The following CATSPERE variants were observed in gnomAD, a reference collection of about 807,000 sequenced individuals.
CATSPERE encodes catsper channel auxiliary subunit epsilon, also known as cation channel sperm-associated auxiliary subunit epsilon.
A neutral mutation model predicts 114.1 loss-of-function variants in CATSPERE; 93 were observed. That is an observed-to-expected ratio of 0.81 (90% CI 0.69 to 0.97). CATSPERE has a LOEUF of 0.97. Among genes scored for constraint, CATSPERE ranks in the 50% least tolerant of loss-of-function variants. The pLI is 0.00. For missense variants in CATSPERE, 1,058 were observed against 1,131.6 expected (o/e 0.93, Z 0.93); for synonymous variants, 341 against 384.1 (o/e 0.89, Z 1.31).
At chr1:244,617,935 T>C (rs1041147411) in intron 20 of CATSPERE, among the ~76,000 whole-genome samples, 3 of 152,182 alleles carry the variant, frequency 2.0e-5, no homozygotes, top group African/African-American at 7.2e-5. Flanking sequence ...AAGATCCAAA[T>C]ATAGGCACAG....
At chr1:244,543,430 A>G (rs988220782) in intron 8 of CATSPERE, among the ~76,000 whole-genome samples, 1 of 151,950 alleles carries the variant, frequency 6.6e-6, no homozygotes, top group African/African-American at 2.4e-5. Flanking sequence ...AAACGCTAAA[A>G]AAGTTGACCT....
At chr1:244,525,514 TAAAA>T (rs1230161356) in intron 8 of CATSPERE, among the ~76,000 whole-genome samples, 2 of 149,784 alleles carry the variant, frequency 1.3e-5, no homozygotes, top group Non-Finnish European at 3.0e-5. Context: ...TATAATAAAA[TAAAA>T]AAGAAAGTCA....
chr1:244,452,369 G>A (rs1665680117), upstream of CATSPERE, among the ~76,000 whole-genome samples: 1 of 152,244 alleles, frequency 6.6e-6, no homozygotes, highest in Admixed American at 6.5e-5. Flanking sequence ...AGGAATGAAT[G>A]TGTACAAAAT....
intron 19 of CATSPERE, among the ~76,000 whole-genome samples, chr1:244,612,231 C>A (rs888073873): frequency 6.6e-6 from 1 of 152,138 alleles, no homozygotes; most frequent in African/African-American, 2.4e-5. Flanking sequence ...TAAGTCTACT[C>A]TTACTGAAGG....
At chr1:244,603,458 C>G (rs1369977783) in intron 17 of CATSPERE, among the ~76,000 whole-genome samples, 1 of 152,026 alleles carries the variant, frequency 6.6e-6, no homozygotes, top group Non-Finnish European at 1.5e-5. Context: ...GTATTATACC[C>G]TACATTAAAG....
intron 10 of CATSPERE, among the ~76,000 whole-genome samples, chr1:244,571,759 C>T (rs1332274815): frequency 1.3e-5 from 2 of 152,120 alleles, no homozygotes; most frequent in Non-Finnish European, 2.9e-5. Context: ...TCTATGAGGC[C>T]TCAGTTCCTG....
chr1:244,570,133 T>C (rs10803221), intron 10 of CATSPERE, among the ~76,000 whole-genome samples: 27,883 of 152,074 alleles, frequency 0.18, 3,691 homozygotes, highest in East Asian at 0.41. Flanking sequence ...CTCTAATTGA[T>C]CTATTCTAAT....
intron 18 of CATSPERE, among the ~76,000 whole-genome samples, 180 bp downstream of exon 18, chr1:244,605,974 C>T (rs1012090469): frequency 1.3e-5 from 2 of 152,000 alleles, no homozygotes; most frequent in Non-Finnish European, 2.9e-5. Context: ...TAGAAGTTGT[C>T]ACATAAGACA....
upstream of CATSPERE, among the ~76,000 whole-genome samples, chr1:244,460,913 C>A (rs1159865348): frequency 6.6e-6 from 1 of 152,218 alleles, no homozygotes; most frequent in Non-Finnish European, 1.5e-5. Context: ...GTGTGACTCT[C>A]TCAAAAACAA....
At chr1:244,579,445 G>T (rs1665843653) in intron 11 of CATSPERE, among the ~76,000 whole-genome samples, 1 of 152,098 alleles carries the variant, frequency 6.6e-6, no homozygotes, top group African/African-American at 2.4e-5. Flanking sequence ...ATGTACTCGT[G>T]AAACACCTTT....
intron 7 of CATSPERE, among the ~76,000 whole-genome samples, chr1:244,499,901 A>C (rs1673755151): frequency 6.6e-6 from 1 of 152,130 alleles, no homozygotes. Flanking sequence ...CTGGTTCTAG[A>C]TCCTTGAGGA....
At chr1:244,464,274 G>A (rs1241415201) in intron 2 of CATSPERE, among the ~76,000 whole-genome samples, 3 of 152,120 alleles carry the variant, frequency 2.0e-5, no homozygotes, top group Non-Finnish European at 4.4e-5. Flanking sequence ...TATACAACAG[G>A]TATAAATTAG....
Position 244,575,027 on chromosome 1 carries a change from C to T in CATSPERE, c.1950+2255C>T, listed in dbSNP as rs547132901. 3.8e-4 allele frequency among the ~76,000 whole-genome samples: 57 copies of T among 151,682 alleles called. 1 individual carries two copies. Among genetic ancestry groups the T allele is most frequent in the African/African-American group, 1.3e-3 (54 of 41,338 alleles). ...TCTCTCGCTCACTTATTCTCTCCCTCTATCTCTCTCTCTCATTTGCGCTGT... is the reference window on the plus strand; with the variant it reads ...TCTCTCGCTCACTTATTCTCTCCCTTTATCTCTCTCTCTCATTTGCGCTGT... On this transcript the variant is annotated intron_variant, in intron 11 of 21. Transcript: ENST00000366534. This position sits in a 1 kb window ranked among gnomAD's most constrained non-coding sequence, Gnocchi z 4.5.
In CATSPERE at chr1:244,583,943, A is replaced by G. The variant is rs371221382; in HGVS notation, c.2085+4A>G. 1.2e-5 allele frequency: 20 copies of G among 1,613,740 alleles called. No individual in the cohort carries two copies. Among genetic ancestry groups the G allele is most frequent in the Non-Finnish European group, 1.7e-5 (20 of 1,179,810 alleles). ...AGCATGTCCAATAGCCCAAAAGGTA[A>G]GCGACATGGGCTGAAGACCCAAATA... On this transcript the variant is annotated splice_donor_region_variant and intron_variant, in intron 13 of 21. Transcript: ENST00000366534.
chr1:244,474,647 T>C (rs1668995854), intron 2 of CATSPERE, among the ~76,000 whole-genome samples: 1 of 152,012 alleles, frequency 6.6e-6, no homozygotes, highest in Non-Finnish European at 1.5e-5. Flanking sequence ...TGGATATATG[T>C]ATATTGGATT....
At chr1:244,512,071 A>T (rs1363471702) in intron 7 of CATSPERE, among the ~76,000 whole-genome samples, 1 of 152,150 alleles carries the variant, frequency 6.6e-6, no homozygotes, top group Non-Finnish European at 1.5e-5. Context: ...CTGTACCTGG[A>T]TATCTATATA....
intron 7 of CATSPERE, among the ~76,000 whole-genome samples, chr1:244,508,288 A>T (rs1257982541): frequency 1.3e-5 from 2 of 149,092 alleles, no homozygotes; most frequent in African/African-American, 2.5e-5. Flanking sequence ...AAGAAACACT[A>T]CTGTTTTTTC....
intron 17 of CATSPERE, among the ~76,000 whole-genome samples, chr1:244,602,280 C>A (rs1669355125): frequency 6.6e-6 from 1 of 152,056 alleles, no homozygotes; most frequent in African/African-American, 2.4e-5. Flanking sequence ...GTCCATTGTC[C>A]AGTTCCACTG....
intron 5 of CATSPERE, among the ~76,000 whole-genome samples, chr1:244,484,124 G>C (rs1670654485): frequency 6.6e-6 from 1 of 151,858 alleles, no homozygotes; most frequent in Non-Finnish European, 1.5e-5. Flanking sequence ...GTGTTTCTCT[G>C]GGCTGGCTGT....
Sources: gnomAD v4.1 joint callset for allele counts (sites outside exome capture counted in the v4.1 genomes callset) on GRCh38, gnomAD v4.1.1 for gene constraint, Gnocchi (gnomAD v3.1) non-coding constraint, MANE v1.5 for transcripts, NCBI Gene and HGNC (gene_info 2026-07-23, HGNC 2026-07-21) for gene names.